WWTR1: variants seen among roughly 807,000 people sequenced by gnomAD.
WWTR1 encodes WW domain containing transcription regulator 1.
In WWTR1, 13 loss-of-function variants were observed where a neutral mutation model predicts 40.1. The ratio of observed to expected loss-of-function variants is 0.32; its 90% CI spans 0.21 to 0.52. The LOEUF (loss-of-function observed/expected upper bound fraction) is 0.52. WWTR1 is among the 20% of genes least tolerant of loss of function. WWTR1 has a pLI of 0.97. For synonymous variants in WWTR1, 230 were observed against 210.1 expected (o/e 1.09, Z -0.82); for missense variants, 436 against 523.1 (o/e 0.83, Z 1.63).
intron 3 of WWTR1, among the ~76,000 whole-genome samples, chr3:149,569,456 A>C (rs1361378042): frequency 6.6e-6 from 1 of 152,196 alleles, no homozygotes; most frequent in African/African-American, 2.4e-5. Flanking sequence ...CAAAGCACAG[A>C]CAAATAACTT....
At chr3:149,716,877 C>A (rs528368705) in intron 5 of WWTR1, among the ~76,000 whole-genome samples, 2 of 152,048 alleles carry the variant, frequency 1.3e-5, no homozygotes, top group Non-Finnish European at 2.9e-5. Flanking sequence ...CATACAGTCA[C>A]AAGAATCAAA....
At chr3:149,542,296 G>C (rs1736140104) in intron 4 of WWTR1, 39 bp downstream of exon 4, 1 of 1,595,608 alleles carries the variant, frequency 6.3e-7, no homozygotes, top group Non-Finnish European at 8.5e-7. Flanking sequence ...TTGGCACCAA[G>C]GCCAGGGAGC....
chr3:149,608,966 G>A (rs1256177372), intron 2 of WWTR1, among the ~76,000 whole-genome samples: 1 of 152,192 alleles, frequency 6.6e-6, no homozygotes, highest in Non-Finnish European at 1.5e-5. Context: ...CCACTCAGGA[G>A]GCTGAGGTGG....
chr3:149,645,027 A>G (rs1012952163), intron 2 of WWTR1, among the ~76,000 whole-genome samples: 1 of 150,896 alleles, frequency 6.6e-6, no homozygotes, highest in African/African-American at 2.4e-5. Context: ...TAATTTTTGT[A>G]TTTTTAGTAG....
chr3:149,611,184 C>CT (rs747651064), intron 2 of WWTR1, among the ~76,000 whole-genome samples: 55 of 151,438 alleles, frequency 3.6e-4, no homozygotes, highest in East Asian at 9.7e-4. Flanking sequence ...TTTTTAAAAA[C>CT]TTTTTTTTTA....
At chr3:149,593,622 C>T (rs1483707925) in intron 2 of WWTR1, among the ~76,000 whole-genome samples, 2 of 152,120 alleles carry the variant, frequency 1.3e-5, no homozygotes, top group Non-Finnish European at 1.5e-5. Flanking sequence ...TTAACACATG[C>T]GTGGACTTAA....
At chr3:149,651,992 A>ATTTTTTTTTTTTTTTTTTTTTTTT (rs368845286) in intron 2 of WWTR1, among the ~76,000 whole-genome samples, 2 of 93,714 alleles carry the variant, frequency 2.1e-5, no homozygotes, top group Non-Finnish European at 4.0e-5. Context: ...CGCCCGGCTA[A>ATTTTTTTTTTTTTTTTTTTTTTTT]TTTTTTTTTT....
At chr3:149,574,737 C>T (rs1330116748) in intron 2 of WWTR1, among the ~76,000 whole-genome samples, 2 of 151,400 alleles carry the variant, frequency 1.3e-5, no homozygotes, top group East Asian at 1.9e-4. Flanking sequence ...GGGAACTCAT[C>T]CATTGCCTTG....
chr3:149,666,608 C>T (rs995528625), intron 2 of WWTR1, among the ~76,000 whole-genome samples: 2 of 152,062 alleles, frequency 1.3e-5, no homozygotes, highest in African/African-American at 4.8e-5. Flanking sequence ...GACTACAAAA[C>T]AACTTCACAT....
intron 2 of WWTR1, among the ~76,000 whole-genome samples, chr3:149,593,989 C>G (rs59383374): frequency 0.053 from 8,132 of 152,148 alleles, 456 homozygotes; most frequent in East Asian, 0.14. Flanking sequence ...CTGGAAGGGG[C>G]GCTTTTTGGA....
chr3:149,687,349 G>C (rs1003649554), intron 1 of WWTR1, among the ~76,000 whole-genome samples: 2 of 152,158 alleles, frequency 1.3e-5, no homozygotes, highest in Non-Finnish European at 2.9e-5. Context: ...CCTGTAGCCA[G>C]AGCAATCTCT....
chr3:149,570,607 A>C (rs1737570874), intron 3 of WWTR1, among the ~76,000 whole-genome samples: 1 of 150,954 alleles, frequency 6.6e-6, no homozygotes, highest in Non-Finnish European at 1.5e-5. Flanking sequence ...AATAATAACA[A>C]AAATTAAATA....
chr3:149,720,666 T>G (rs2108237904), intron 4 of WWTR1, among the ~76,000 whole-genome samples: 1 of 152,242 alleles, frequency 6.6e-6, no homozygotes, highest in African/African-American at 2.4e-5. Flanking sequence ...AAAAACCTAC[T>G]TGTTTGATAG....
chr3:149,652,260 A>T (rs1712924410), intron 2 of WWTR1, among the ~76,000 whole-genome samples: 2 of 151,988 alleles, frequency 1.3e-5, no homozygotes, highest in South Asian at 4.1e-4. Flanking sequence ...ATTGTCAAAA[A>T]GTGAACAGTA....
intron 2 of WWTR1, among the ~76,000 whole-genome samples, chr3:149,603,806 A>C (rs1316122226): frequency 6.8e-6 from 1 of 147,514 alleles, no homozygotes; most frequent in African/African-American, 2.5e-5. Context: ...ATATAAGATA[A>C]TGTCAATGAA....
intron 1 of WWTR1, among the ~76,000 whole-genome samples, chr3:149,686,846 C>T (rs1714672058): frequency 1.3e-5 from 2 of 152,180 alleles, no homozygotes; most frequent in South Asian, 4.2e-4. Context: ...TTGCTATCCA[C>T]CCCGCTTCTG....
intron 3 of WWTR1, among the ~76,000 whole-genome samples, chr3:149,562,150 C>A (rs1465135593): frequency 6.6e-6 from 1 of 152,002 alleles, no homozygotes; most frequent in Non-Finnish European, 1.5e-5. Flanking sequence ...CAAAAATTAG[C>A]CGGGCATGGT....
chr3:149,575,669 C>A (rs1004550210), intron 2 of WWTR1, among the ~76,000 whole-genome samples: 1 of 152,196 alleles, frequency 6.6e-6, no homozygotes, highest in African/African-American at 2.4e-5. Flanking sequence ...TGGAATGATG[C>A]ATTCCTAAAT....
chr3:149,710,397 G>A (rs6809024), intron 5 of WWTR1, among the ~76,000 whole-genome samples: 52,754 of 151,898 alleles, frequency 0.35, 9,430 homozygotes, highest in African/African-American at 0.42. Flanking sequence ...ACACTGCCTA[G>A]GATCAAATTC....
Sources: allele counts gnomAD v4.1 joint callset (sites outside exome capture counted in the v4.1 genomes callset), GRCh38; gene constraint gnomAD v4.1.1; transcripts MANE v1.5; gene names NCBI Gene and HGNC (gene_info 2026-07-23, HGNC 2026-07-21).